KIAA1549L: variants seen among roughly 807,000 people sequenced by gnomAD.
KIAA1549L encodes the protein KIAA1549 like.
In KIAA1549L, 88 loss-of-function variants were observed where a neutral mutation model predicts 160.7. That is an observed-to-expected ratio of 0.55 (90% CI 0.46 to 0.65). The LOEUF (loss-of-function observed/expected upper bound fraction) is 0.65, where lower values mean the gene tolerates loss of function less well. Among genes scored for constraint, KIAA1549L ranks in the 30% least tolerant of loss-of-function variants. The pLI is 0.00. For missense variants in KIAA1549L, 2,258 were observed against 2,437.5 expected, an observed-to-expected ratio of 0.93 and a Z score of 1.55; for synonymous variants, 950 against 976.7, an observed-to-expected ratio of 0.97 and a Z score of 0.51.
At chr11:33,412,970 A>G (rs938138266) in intron 1 of KIAA1549L, among the ~76,000 whole-genome samples, 1 of 152,184 alleles carries the variant, frequency 6.6e-6, no homozygotes, top group Non-Finnish European at 1.5e-5. Context: ...TAATGAATAT[A>G]CTGCACTTTC....
chr11:33,641,594 A>G lies in KIAA1549L; in HGVS notation c.5410-4092A>G, dbSNP rs1296931642. Among the ~76,000 whole-genome samples, 14 of 15,802 alleles carry G rather than the reference A, an allele frequency of 8.9e-4. No individual in the cohort carries two copies. The East Asian group carries it at 0.085, about 96-fold the overall frequency. The allele number at this position is 15,802 out of a possible 152,430, so 10.4% of individuals were successfully genotyped here. ...TCTGTATATATATATATATATATAT[A>G]TATATATATATATATATATATATAT... On this transcript the variant is annotated intron_variant, in intron 16 of 20. Coordinates refer to ENST00000658780, the MANE Select transcript of KIAA1549L (RefSeq NM_012194.3).
intron 10 of KIAA1549L, among the ~76,000 whole-genome samples, chr11:33,582,667 C>G (rs1289387078): frequency 6.6e-6 from 1 of 152,188 alleles, no homozygotes; most frequent in African/African-American, 2.4e-5. Context: ...CCCTGTTGCC[C>G]TTTCCAGTTA....
chr11:33,512,638 C>T (rs1565164593), intron 1 of KIAA1549L, among the ~76,000 whole-genome samples: 1 of 152,128 alleles, frequency 6.6e-6, no homozygotes, highest in Admixed American at 6.5e-5. Context: ...CCAGGCTGGT[C>T]TCCAACTCCT....
At chr11:33,490,662 A>C (rs1161844232) in intron 1 of KIAA1549L, among the ~76,000 whole-genome samples, 3 of 152,184 alleles carry the variant, frequency 2.0e-5, no homozygotes, top group Non-Finnish European at 4.4e-5. Flanking sequence ...ATTAAAACAG[A>C]TGTAAAATGC....
At chr11:33,494,055 G>A (rs186053955) in intron 1 of KIAA1549L, among the ~76,000 whole-genome samples, 244 of 152,294 alleles carry the variant, frequency 1.6e-3, no homozygotes, top group African/African-American at 5.7e-3. Context: ...CAGAGAGGCT[G>A]CTTCTAGAAC....
intron 1 of KIAA1549L, among the ~76,000 whole-genome samples, chr11:33,406,813 A>G (rs991964460): frequency 6.6e-6 from 1 of 152,190 alleles, no homozygotes; most frequent in African/African-American, 2.4e-5. Flanking sequence ...TTGGGGTAAC[A>G]GTTTTGTTAA....
At chr11:33,591,593 C>G (rs1319640061) in intron 12 of KIAA1549L, among the ~76,000 whole-genome samples, 172 bp downstream of exon 12, 1 of 152,230 alleles carries the variant, frequency 6.6e-6, no homozygotes, top group African/African-American at 2.4e-5. Context: ...CAATACCTGC[C>G]TAGCCTGGGC....
intron 1 of KIAA1549L, among the ~76,000 whole-genome samples, chr11:33,521,967 A>G (rs1211196294): frequency 6.6e-6 from 1 of 152,218 alleles, no homozygotes; most frequent in East Asian, 1.9e-4. Context: ...TTTAAATTTA[A>G]TGTAGATAGA....
intron 8 of KIAA1549L, among the ~76,000 whole-genome samples, chr11:33,566,600 G>A (rs940958007): frequency 2.6e-5 from 4 of 152,346 alleles, no homozygotes; most frequent in Admixed American, 1.3e-4. Context: ...GGCATTTATG[G>A]CTTCAAAGAA....
At chr11:33,574,601 A>G in intron 9 of KIAA1549L, 101 bp from the exon 10 acceptor site, 1 of 1,100,822 alleles carries the variant, frequency 9.1e-7, no homozygotes, top group Non-Finnish European at 1.3e-6. Context: ...TAGCCACAGA[A>G]GTCTTCAGCA....
At chr11:33,464,725 T>C (rs1208748255) in intron 1 of KIAA1549L, among the ~76,000 whole-genome samples, 5 of 152,162 alleles carry the variant, frequency 3.3e-5, no homozygotes, top group Admixed American at 3.3e-4. Flanking sequence ...ATTTTCCTGC[T>C]TAAAACTCTT....
In KIAA1549L at chr11:33,606,683, A is replaced by G. The variant is rs377520713; in HGVS notation, c.4922A>G (p.Asn1641Ser). The change falls in exon 14 of 21, where the codon AAC (asparagine) becomes AGC (serine). Residue 1641 changes from asparagine (N) to serine (S), a missense_variant. Physicochemically the swap from Asn to Ser is conservative, Grantham distance 46. Coordinates refer to ENST00000658780, the MANE Select transcript of KIAA1549L (RefSeq NM_012194.3). ...GAGGAGGGAGCGGTTCTATTTGACA[A>G]CTCCAGCAAGGTGGCCGCTGAACCC... ...DEEEGAVLFDNSSKVAAEPFD... is the reference protein window; with the variant it reads ...DEEEGAVLFDSSSKVAAEPFD... 3.7e-6 allele frequency: 6 copies of G among 1,613,530 alleles called. No homozygotes were observed. Among genetic ancestry groups the G allele is most frequent in the East Asian group, 2.2e-5 (1 of 44,872 alleles).
intron 15 of KIAA1549L, 139 bp from the exon 16 acceptor site, chr11:33,618,394 C>T: frequency 1.5e-6 from 1 of 673,800 alleles, no homozygotes; most frequent in Non-Finnish European, 2.3e-6. Flanking sequence ...CCCCTTATAT[C>T]CTGGGAATAA....
At chr11:33,449,451 T>C (rs1204836772) in intron 1 of KIAA1549L, among the ~76,000 whole-genome samples, 1 of 152,222 alleles carries the variant, frequency 6.6e-6, no homozygotes, top group African/African-American at 2.4e-5. Context: ...TGAGGTCATC[T>C]GAGTCTGGAG....
Position 33,673,601 on chromosome 11 carries a change from A to T in KIAA1549L, c.*5447A>T, listed in dbSNP as rs1339124283. 6.6e-6 allele frequency: 1 copy of T among 152,246 alleles called. No individual in the cohort carries two copies. Among genetic ancestry groups the T allele is most frequent in the East Asian group, 1.9e-4 (1 of 5,204 alleles). 9.4% of individuals were successfully genotyped at this position (152,246 alleles called of 1,614,324 possible). ...TTCCCATGGTGATTTTGAGGAGCAC[A>T]TGCATAATGTATCTGAAAATGGCTT... On this transcript the variant is annotated 3_prime_UTR_variant, in exon 21 of 21. Coordinates refer to ENST00000658780, the MANE Select transcript of KIAA1549L (RefSeq NM_012194.3).
chr11:33,665,509 C>G (rs1852413463), intron 20 of KIAA1549L: 1 of 152,246 alleles, frequency 6.6e-6, no homozygotes, highest in Non-Finnish European at 1.5e-5. Context: ...GCTGGTTGTC[C>G]CATAGTCTCT....
chr11:33,488,554 C>T (rs1053738367), intron 1 of KIAA1549L, among the ~76,000 whole-genome samples: 1 of 152,124 alleles, frequency 6.6e-6, no homozygotes, highest in Admixed American at 6.6e-5. Context: ...TCTGTATCAA[C>T]TCATTCAGTA....
In KIAA1549L at chr11:33,671,136, T is replaced by C. The variant is rs1377656531; in HGVS notation, c.*2982T>C. ...ATAGTTTTCAGTGCTGGTTTTGATATGAGTTTTCTGCATTCATGAAAAAGA... is the reference window on the plus strand; with the variant it reads ...ATAGTTTTCAGTGCTGGTTTTGATACGAGTTTTCTGCATTCATGAAAAAGA... On this transcript the variant is annotated 3_prime_UTR_variant, in exon 21 of 21. Coordinates refer to ENST00000658780, the MANE Select transcript of KIAA1549L (RefSeq NM_012194.3). The C allele has an allele frequency of 4.6e-5, 7 of 152,212 alleles. No homozygotes were observed. The highest frequency in any genetic ancestry group is 4.6e-4 in the Admixed American group (7 of 15,284). 9.4% of individuals were successfully genotyped at this position (152,212 alleles called of 1,614,324 possible).
intron 1 of KIAA1549L, among the ~76,000 whole-genome samples, chr11:33,448,946 TACTC>T (rs1851669013): frequency 6.6e-6 from 1 of 152,198 alleles, no homozygotes; most frequent in Non-Finnish European, 1.5e-5. Flanking sequence ...TGATGATTGT[TACTC>T]ACCTCTTCGC....
Sources: allele counts gnomAD v4.1 joint callset (sites outside exome capture counted in the v4.1 genomes callset), GRCh38; gene constraint gnomAD v4.1.1; transcripts MANE v1.5; gene names NCBI Gene and HGNC (gene_info 2026-07-23, HGNC 2026-07-21).